CCDC73: variants seen among roughly 807,000 people sequenced by gnomAD.
CCDC73 encodes coiled-coil domain containing 73, also known as coiled-coil domain-containing protein 73.
CCDC73 carries 95 observed loss-of-function variants against 116.5 expected under a neutral mutation model. That is an observed-to-expected ratio of 0.82 (90% CI 0.69 to 0.97). The LOEUF (loss-of-function observed/expected upper bound fraction) is 0.97. Ranked by LOEUF, CCDC73 falls within the 50% of genes least tolerant of loss-of-function variation. The pLI, the probability that CCDC73 is intolerant of heterozygous loss-of-function variation, is 0.00. For synonymous variants in CCDC73, 398 were observed against 401.3 expected, an observed-to-expected ratio of 0.99 and a Z score of 0.10; for missense variants, 1,066 against 1,206.8, an observed-to-expected ratio of 0.88 and a Z score of 1.73.
the CCDC73 span, among the ~76,000 whole-genome samples, chr11:32,813,287 A>C: frequency 6.6e-6 from 1 of 152,264 alleles, no homozygotes; most frequent in Admixed American, 6.5e-5. Flanking sequence ...ATTTGTTTCT[A>C]AATGTTTTAA....
At chr11:32,660,401 C>T (rs777778783) in intron 9 of CCDC73, among the ~76,000 whole-genome samples, 178 of 152,180 alleles carry the variant, frequency 1.2e-3, no homozygotes, top group Non-Finnish European at 1.9e-3. Context: ...ACCACAAAGG[C>T]TCTACCTTTA....
chr11:32,707,052 G>A (rs1849862074), intron 3 of CCDC73, among the ~76,000 whole-genome samples: 1 of 151,986 alleles, frequency 6.6e-6, no homozygotes, highest in African/African-American at 2.4e-5. Context: ...TACTGATATT[G>A]GCAGTAAGGT....
chr11:32,749,659 C>A (rs1850269592), intron 2 of CCDC73, among the ~76,000 whole-genome samples: 1 of 151,958 alleles, frequency 6.6e-6, no homozygotes, highest in African/African-American at 2.4e-5. Context: ...ACCCATCCTT[C>A]TTGGGAAGGC....
intron 2 of CCDC73, among the ~76,000 whole-genome samples, chr11:32,755,861 A>ATATCTTCATATATATATCTATATATC (rs1565094348): frequency 3.1e-5 from 4 of 130,114 alleles, no homozygotes; most frequent in African/African-American, 8.6e-5. Context: ...GTGTGTGTAT[A>ATATCTTCATATATATATCTATATATC]TATCTCCATA....
intron 6 of CCDC73, among the ~76,000 whole-genome samples, chr11:32,690,440 T>C (rs893599648): frequency 6.6e-6 from 1 of 152,128 alleles, no homozygotes; most frequent in Non-Finnish European, 1.5e-5. Flanking sequence ...GGTACTGATA[T>C]GGTTTGGCTC....
At chr11:32,639,067 G>T (rs910839689) in intron 13 of CCDC73, among the ~76,000 whole-genome samples, 2 of 151,338 alleles carry the variant, frequency 1.3e-5, no homozygotes, top group South Asian at 4.2e-4. Context: ...AGAATTGCTT[G>T]AACCCGGGAG....
At chr11:32,617,736 C>T (rs1855487285) in intron 14 of CCDC73, among the ~76,000 whole-genome samples, 1 of 152,116 alleles carries the variant, frequency 6.6e-6, no homozygotes, top group South Asian at 2.1e-4. Flanking sequence ...GATGTCATTC[C>T]TTGAGCGAGA....
chr11:32,732,902 G>C (rs577812117), intron 2 of CCDC73, among the ~76,000 whole-genome samples: 1 of 151,996 alleles, frequency 6.6e-6, no homozygotes, highest in Non-Finnish European at 1.5e-5. Flanking sequence ...TGATAGGATC[G>C]AATTCACACA....
intron 6 of CCDC73, among the ~76,000 whole-genome samples, chr11:32,694,173 C>T (rs888633249): frequency 5.9e-5 from 9 of 152,206 alleles, no homozygotes; most frequent in Non-Finnish European, 1.3e-4. Context: ...ACCCCATCGT[C>T]TCAGCCCAAA....
chr11:32,765,150 C>A (rs182560704), intron 1 of CCDC73, among the ~76,000 whole-genome samples: 1 of 152,232 alleles, frequency 6.6e-6, no homozygotes, highest in African/African-American at 2.4e-5. Flanking sequence ...CTTAGACTCC[C>A]ACACAATAAT....
At chr11:32,638,134 T>G (rs1855698617) in intron 13 of CCDC73, among the ~76,000 whole-genome samples, 1 of 152,202 alleles carries the variant, frequency 6.6e-6, no homozygotes, top group Admixed American at 6.5e-5. Flanking sequence ...TCATCCTGCA[T>G]CTATCCCTCT....
chr11:32,607,572 A>T (rs1223408008), intron 17 of CCDC73, among the ~76,000 whole-genome samples: 1 of 152,188 alleles, frequency 6.6e-6, no homozygotes, highest in Non-Finnish European at 1.5e-5. Context: ...TTAGAAATGG[A>T]TGTTTAGCTT....
At chr11:32,688,707 T>C (rs2133301150) in intron 6 of CCDC73, among the ~76,000 whole-genome samples, 1 of 152,328 alleles carries the variant, frequency 6.6e-6, no homozygotes, top group South Asian at 2.1e-4. Context: ...CTTTGTATTG[T>C]AGTTCCAATA....
chr11:32,737,273 G>GTGTGTGTA lies in CCDC73; in HGVS notation c.136-19127_136-19126insTACACACA, dbSNP rs1341655491. On this transcript the variant is annotated intron_variant, in intron 2 of 17. Transcript: ENST00000335185. ...TGTGTGTGTGTGTGTGTGTGTGTGT[G>GTGTGTGTA]TATATACATGGTCCATAGGATATTT... Among the ~76,000 whole-genome samples, 577 of 131,700 alleles carry GTGTGTGTA rather than the reference G, an allele frequency of 4.4e-3. 8 individuals are homozygous for GTGTGTGTA. Among genetic ancestry groups the GTGTGTGTA allele is most frequent in the South Asian group, 0.016 (63 of 4,058 alleles). 86.4% of individuals were successfully genotyped at this position (131,700 alleles called of 152,430 possible). A position where few individuals can be genotyped will look rare whatever the true frequency, so the allele number is the denominator to read the frequency against.
At chr11:32,616,947 AGGT>A (rs1170794086) in intron 14 of CCDC73, among the ~76,000 whole-genome samples, 1 of 152,178 alleles carries the variant, frequency 6.6e-6, no homozygotes, top group Non-Finnish European at 1.5e-5. Context: ...TTCTTGGAGA[AGGT>A]GTTAGCTAAA....
At chr11:32,662,469 T>A (rs1042925577) in intron 9 of CCDC73, among the ~76,000 whole-genome samples, 13 of 152,246 alleles carry the variant, frequency 8.5e-5, no homozygotes, top group Non-Finnish European at 1.6e-4. Context: ...GTCTGTTAGC[T>A]GCATAAATGT....
chr11:32,715,906 T>C lies in CCDC73; in HGVS notation c.207+2170A>G, dbSNP rs1849940798. Among the ~76,000 whole-genome samples the C allele has an allele frequency of 2.6e-5, 4 of 152,156 alleles. No homozygotes were observed. In the South Asian group the frequency reaches 8.3e-4, roughly 31 times the overall value. On this transcript the variant is annotated intron_variant, in intron 3 of 17. Coordinates refer to ENST00000335185, the MANE Select transcript of CCDC73 (RefSeq NM_001008391.4). ...TCAAGAGTAGCTTCAAGAGCTTCAATGTTGCCACATTCACAATCCTAAAAT... is the reference window on the plus strand; with the variant it reads ...TCAAGAGTAGCTTCAAGAGCTTCAACGTTGCCACATTCACAATCCTAAAAT...
At chr11:32,695,391 C>A (rs528486716) in intron 6 of CCDC73, among the ~76,000 whole-genome samples, 1 of 150,520 alleles carries the variant, frequency 6.6e-6, no homozygotes, top group East Asian at 1.9e-4. Flanking sequence ...AAAGAGCTTG[C>A]CTACAGCTGG....
chr11:32,763,276 T>A (rs1398325049), intron 1 of CCDC73, among the ~76,000 whole-genome samples: 3 of 152,200 alleles, frequency 2.0e-5, no homozygotes, highest in African/African-American at 7.2e-5. Context: ...GAGTTTGAGA[T>A]CTGAGAACGG....
Sources: allele counts gnomAD v4.1 joint callset (sites outside exome capture counted in the v4.1 genomes callset), GRCh38; gene constraint gnomAD v4.1.1; transcripts MANE v1.5; gene names NCBI Gene and HGNC (gene_info 2026-07-23, HGNC 2026-07-21).